PDE5A: variants seen among roughly 807,000 people sequenced by gnomAD.
PDE5A encodes the protein cGMP-specific 3',5'-cyclic phosphodiesterase.
Under a neutral mutation model 110.2 loss-of-function variants are expected in PDE5A, and 67 were observed. The observed-to-expected ratio is 0.61, with a 90% CI of 0.50 to 0.75. PDE5A has a LOEUF of 0.75. PDE5A is among the 30% of genes least tolerant of loss of function. The pLI, the probability that PDE5A is intolerant of heterozygous loss-of-function variation, is 0.00. For synonymous variants in PDE5A, 328 were observed against 351.2 expected, an observed-to-expected ratio of 0.93 and a Z score of 0.74; for missense variants, 862 against 1,045.1, an observed-to-expected ratio of 0.82 and a Z score of 2.42.
chr4:119,605,167 C>A (rs1308046851), intron 2 of PDE5A, among the ~76,000 whole-genome samples: 1 of 152,172 alleles, frequency 6.6e-6, no homozygotes, highest in African/African-American at 2.4e-5. Flanking sequence ...CATTCAAGAC[C>A]TCTAATTTCC....
chr4:119,565,520 G>C, intron 4 of PDE5A, 110 bp from the exon 5 acceptor site: 1 of 713,190 alleles, frequency 1.4e-6, no homozygotes, highest in South Asian at 1.7e-5. Flanking sequence ...AAGAATAGAT[G>C]TTTGTTCTAC....
intron 15 of PDE5A, among the ~76,000 whole-genome samples, chr4:119,508,639 A>G (rs1725636970): frequency 6.6e-6 from 1 of 152,078 alleles, no homozygotes; most frequent in Admixed American, 6.6e-5. Flanking sequence ...ACAATAATCT[A>G]TAATTACAAC....
intron 8 of PDE5A, among the ~76,000 whole-genome samples, chr4:119,553,183 A>G (rs899378440): frequency 2.0e-5 from 3 of 152,042 alleles, no homozygotes; most frequent in African/African-American, 7.2e-5. Context: ...CTATAATTCA[A>G]ATTTTTCAGT....
intron 11 of PDE5A, among the ~76,000 whole-genome samples, chr4:119,533,482 C>T (rs979265074): frequency 2.5e-4 from 38 of 151,956 alleles, no homozygotes; most frequent in Non-Finnish European, 2.9e-5. Flanking sequence ...TTATCTTTTT[C>T]GAAGAGGGAA....
chr4:119,576,020 A>T (rs970205814), intron 3 of PDE5A, among the ~76,000 whole-genome samples: 15 of 152,230 alleles, frequency 9.9e-5, no homozygotes, highest in Non-Finnish European at 1.5e-4. Flanking sequence ...AAACAAAAAA[A>T]GGCAGGGGTT....
chr4:119,594,004 T>TCCAA (rs1398763299), intron 3 of PDE5A, among the ~76,000 whole-genome samples: 1 of 152,080 alleles, frequency 6.6e-6, no homozygotes, highest in African/African-American at 2.4e-5. Flanking sequence ...GCCCACATGA[T>TCCAA]CCAATTACCT....
chr4:119,565,283 A>G, intron 5 of PDE5A, 38 bp downstream of exon 5: 1 of 1,378,666 alleles, frequency 7.3e-7, no homozygotes. Context: ...AATTTTTAAA[A>G]AGTATTTCTA....
chr4:119,616,634 A>C (rs1243257535), intron 1 of PDE5A, among the ~76,000 whole-genome samples: 1 of 152,118 alleles, frequency 6.6e-6, no homozygotes, highest in African/African-American at 2.4e-5. Flanking sequence ...ACTAATGAGC[A>C]TGTGCACTAC....
At chr4:119,520,087 C>A (rs888198238) in intron 13 of PDE5A, among the ~76,000 whole-genome samples, 2 of 152,080 alleles carry the variant, frequency 1.3e-5, no homozygotes, top group African/African-American at 4.8e-5. Flanking sequence ...GGATACTCAA[C>A]CTACACGTGT....
chr4:119,530,608 C>T (rs1726496214), intron 11 of PDE5A, among the ~76,000 whole-genome samples: 1 of 152,006 alleles, frequency 6.6e-6, no homozygotes, highest in Non-Finnish European at 1.5e-5. Context: ...TGTAATTATA[C>T]AAATTGTATA....
At chr4:119,538,674 C>T (rs1250380887) in intron 11 of PDE5A, 1 of 320,542 alleles carries the variant, frequency 3.1e-6, no homozygotes, top group Non-Finnish European at 6.0e-6. Context: ...ACCTCATGGT[C>T]CCCATTTCTC....
chr4:119,498,672 ATTTCTGCCTGTTC>A lies in PDE5A; in HGVS notation c.2544_2556del (p.Lys848AsnfsTer13). ...TCCTGCTGTTCTGCAAGGGCCTGCC[ATTTCTGCCTGTTC>A]TTTCTGCAGCCATCTAGCAAAGGGA... On this transcript the variant is annotated frameshift_variant, in exon 21 of 21. Transcript: ENST00000354960. LOFTEE classifies it high-confidence loss of function. 6.2e-7 allele frequency: 1 copy of A among 1,613,928 alleles called. No individual in the cohort carries two copies. Among genetic ancestry groups the A allele is most frequent in the Non-Finnish European group, 8.5e-7 (1 of 1,179,896 alleles).
chr4:119,545,762 C>G (rs1727109991), intron 9 of PDE5A, among the ~76,000 whole-genome samples: 1 of 152,128 alleles, frequency 6.6e-6, no homozygotes, highest in African/African-American at 2.4e-5. Context: ...GGCTCTTTGG[C>G]AGAACAGGGG....
chr4:119,528,054 A>C (rs1469109052), intron 11 of PDE5A, among the ~76,000 whole-genome samples: 7 of 22,230 alleles, frequency 3.1e-4, no homozygotes, highest in African/African-American at 5.9e-4. Flanking sequence ...TATGGAATGC[A>C]AAAAAAAAAT....
Position 119,495,985 on chromosome 4 carries a change from A to G in PDE5A, c.*2616T>C, listed in dbSNP as rs1040027153. The G allele has an allele frequency of 1.3e-5, 2 of 152,114 alleles. No individual in the cohort carries two copies. Among genetic ancestry groups the G allele is most frequent in the African/African-American group, 4.8e-5 (2 of 41,440 alleles). The allele number at this position is 152,114 out of a possible 1,614,324, so 9.4% of individuals were successfully genotyped here. A position where few individuals can be genotyped will look rare whatever the true frequency, so the allele number is the denominator to read the frequency against. ...TTGAAGACAAAGGCTTTGCCCAAAC[A>G]TAACTCCTTTTAAAAAAGCACAACT... On this transcript the variant is annotated 3_prime_UTR_variant, in exon 21 of 21. Transcript: ENST00000354960.
At chr4:119,607,805 A>C (rs1729593658) in intron 1 of PDE5A, among the ~76,000 whole-genome samples, 1 of 152,208 alleles carries the variant, frequency 6.6e-6, no homozygotes, top group Non-Finnish European at 1.5e-5. Context: ...TGAACATCTT[A>C]ATAAAGGCTG....
intron 19 of PDE5A, among the ~76,000 whole-genome samples, chr4:119,502,054 G>A (rs1163843600): frequency 6.6e-6 from 1 of 152,108 alleles, no homozygotes; most frequent in Non-Finnish European, 1.5e-5. Flanking sequence ...AGACTGTGGT[G>A]GTGGCATGAC....
intron 12 of PDE5A, among the ~76,000 whole-genome samples, chr4:119,522,655 G>A (rs938235818): frequency 2.0e-5 from 3 of 151,704 alleles, no homozygotes; most frequent in Non-Finnish European, 2.9e-5. Flanking sequence ...TTATTAAGAC[G>A]GACCTAATAG....
At chr4:119,586,274 C>T (rs1157625496) in intron 3 of PDE5A, among the ~76,000 whole-genome samples, 5 of 152,168 alleles carry the variant, frequency 3.3e-5, no homozygotes, top group Non-Finnish European at 4.4e-5. Flanking sequence ...TTTGTAAGAT[C>T]CTCATCTCTT....
Sources: gnomAD v4.1 joint callset for allele counts (sites outside exome capture counted in the v4.1 genomes callset) on GRCh38, gnomAD v4.1.1 for gene constraint, MANE v1.5 for transcripts, NCBI Gene and HGNC (gene_info 2026-07-23, HGNC 2026-07-21) for gene names.